Variants in LINGO2 observed in about 807,000 individuals in gnomAD.
The protein encoded by LINGO2 is leucine-rich repeat and immunoglobulin-like domain-containing nogo receptor-interacting protein 2.
In LINGO2, 14 loss-of-function variants were observed where a neutral mutation model predicts 30.6. The ratio of observed to expected loss-of-function variants is 0.46; its 90% CI spans 0.30 to 0.72. The LOEUF is 0.72. LINGO2 is among the 30% of genes least tolerant of loss of function. The probability of loss-of-function intolerance (pLI) is 0.07; values close to 1 mark genes in which losing one functional copy is unlikely to be tolerated. For missense variants in LINGO2, 729 were observed against 751.7 expected (o/e 0.97, Z 0.35); for synonymous variants, 317 against 288.5 (o/e 1.10, Z -1.00).
chr9:28,523,422 T>C (rs959749000), intron 1 of LINGO2, among the ~76,000 whole-genome samples: 13 of 152,132 alleles, frequency 8.5e-5, no homozygotes, highest in South Asian at 2.1e-4. Context: ...CATTCCCCAC[T>C]TCCATGCAAT....
At chr9:28,369,323 TG>T (rs1344643551) in intron 3 of LINGO2, among the ~76,000 whole-genome samples, 1 of 152,170 alleles carries the variant, frequency 6.6e-6, no homozygotes, top group East Asian at 1.9e-4. Flanking sequence ...ACTTTGTCCT[TG>T]GGGGGTTATG....
chr9:28,030,468 T>A lies in LINGO2; in HGVS notation c.-86-18063A>T, dbSNP rs147399034. 2.4e-4 allele frequency among the ~76,000 whole-genome samples: 36 copies of A among 152,266 alleles called. No individual in the cohort carries two copies. In the East Asian group the frequency reaches 6.4e-3, roughly 27 times the overall value. ...TAAGGTTACTGTTGTATCACAAAGA[T>A]GAAATTTTAAAAGGTCCAGAGACAC... On this transcript the variant is annotated intron_variant, in intron 4 of 5. Transcript: ENST00000379992.
intron 2 of LINGO2, among the ~76,000 whole-genome samples, chr9:28,435,250 CAA>C (rs923565794): frequency 1.3e-5 from 2 of 152,084 alleles, no homozygotes; most frequent in African/African-American, 4.8e-5. Context: ...TAAAGTAATT[CAA>C]GTCTTGTTTA....
chr9:29,094,340 C>T, the LINGO2 span, among the ~76,000 whole-genome samples: 21 of 138,928 alleles, frequency 1.5e-4, 1 homozygote, highest in East Asian at 7.3e-4. Context: ...CAAGCTATCA[C>T]GTTTCATTAC....
At chr9:28,919,894 T>C in the LINGO2 span, among the ~76,000 whole-genome samples, 1 of 152,210 alleles carries the variant, frequency 6.6e-6, no homozygotes, top group South Asian at 2.1e-4. Flanking sequence ...ATAATCACGC[T>C]ATAATGTAAT....
chr9:28,343,577 C>T (rs1445280444), intron 3 of LINGO2, among the ~76,000 whole-genome samples: 1 of 152,158 alleles, frequency 6.6e-6, no homozygotes, highest in Non-Finnish European at 1.5e-5. Context: ...AAAATTTAAA[C>T]TCAGCTTTGA....
chr9:28,866,008 C>A, the LINGO2 span, among the ~76,000 whole-genome samples: 4 of 152,022 alleles, frequency 2.6e-5, no homozygotes, highest in Non-Finnish European at 5.9e-5. Context: ...CTATGTTAGT[C>A]GGGTACTTGG....
chr9:28,322,421 A>T (rs1050957027), intron 3 of LINGO2, among the ~76,000 whole-genome samples: 2 of 150,810 alleles, frequency 1.3e-5, no homozygotes, highest in Admixed American at 1.3e-4. Context: ...TAGTTCCTAG[A>T]CATAGTAGGC....
chr9:28,156,736 G>C (rs1163542063), intron 4 of LINGO2, among the ~76,000 whole-genome samples: 2 of 152,218 alleles, frequency 1.3e-5, no homozygotes, highest in African/African-American at 4.8e-5. Flanking sequence ...AAAGGTATTG[G>C]TTAAATACAG....
intron 1 of LINGO2, among the ~76,000 whole-genome samples, chr9:28,532,269 A>T (rs1169641431): frequency 6.6e-6 from 1 of 152,186 alleles, no homozygotes; most frequent in East Asian, 1.9e-4. Context: ...CTAGGAAAGA[A>T]AAAAGAGAGG....
chr9:28,158,824 A>C (rs550865918), intron 4 of LINGO2, among the ~76,000 whole-genome samples: 1 of 152,306 alleles, frequency 6.6e-6, no homozygotes, highest in South Asian at 2.1e-4. Flanking sequence ...ACAGCTGAAA[A>C]ACTATCCTTC....
At chr9:29,078,557 A>G in the LINGO2 span, among the ~76,000 whole-genome samples, 35 of 151,908 alleles carry the variant, frequency 2.3e-4, no homozygotes, top group African/African-American at 6.8e-4. Flanking sequence ...GTCATCTCCT[A>G]TGGTTTTCGG....
intron 1 of LINGO2, among the ~76,000 whole-genome samples, chr9:28,558,450 C>T (rs1295451354): frequency 6.6e-6 from 1 of 152,120 alleles, no homozygotes; most frequent in Admixed American, 6.6e-5. Context: ...CCTGTGTCCA[C>T]GTGTCCTCCA....
At chr9:28,693,780 G>A in the LINGO2 span, among the ~76,000 whole-genome samples, 2 of 152,030 alleles carry the variant, frequency 1.3e-5, no homozygotes, top group African/African-American at 4.8e-5. Context: ...GGTAGGATTT[G>A]TGTCTTCTTT....
At position 28,588,598 on chromosome 9, in the gene LINGO2, AAAAC is replaced by A. The variant is rs5897309; in HGVS notation, c.-365+81598_-365+81601del. On this transcript the variant is annotated intron_variant, in intron 1 of 5. Transcript: ENST00000379992. ...AATATCTCTTTAATGAGTTCAGGTTAAAACAAACAAACAAACAAACAAACAAACA... is the reference window on the plus strand; with the variant it reads ...AATATCTCTTTAATGAGTTCAGGTTAAAACAAACAAACAAACAAACAAACA... Among the ~76,000 whole-genome samples the A allele has an allele frequency of 2.8e-3, 422 of 150,690 alleles. 4 individuals carry two copies. Among genetic ancestry groups the A allele is most frequent in the East Asian group, 7.5e-3 (38 of 5,082 alleles).
the LINGO2 span, among the ~76,000 whole-genome samples, chr9:28,746,231 A>T: frequency 6.6e-6 from 1 of 152,046 alleles, no homozygotes; most frequent in Admixed American, 6.6e-5. Flanking sequence ...ATATTTTATG[A>T]ATCTTCTTTT....
At chr9:28,807,720 G>T in the LINGO2 span, among the ~76,000 whole-genome samples, 49 of 152,286 alleles carry the variant, frequency 3.2e-4, no homozygotes, top group African/African-American at 1.2e-3. Context: ...TAGTAAGAGA[G>T]TATATAGGCT....
At chr9:29,011,195 T>A in the LINGO2 span, among the ~76,000 whole-genome samples, 1 of 152,146 alleles carries the variant, frequency 6.6e-6, no homozygotes, top group Non-Finnish European at 1.5e-5. Flanking sequence ...AAAAATTAAT[T>A]ATTAGAAGCA....
At chr9:29,043,384 G>T in the LINGO2 span, among the ~76,000 whole-genome samples, 8 of 151,864 alleles carry the variant, frequency 5.3e-5, no homozygotes, top group Non-Finnish European at 1.2e-4. Context: ...AGATGATAAG[G>T]TCTATGATTA....
Sources: gnomAD v4.1 joint callset for allele counts (sites outside exome capture counted in the v4.1 genomes callset) on GRCh38, gnomAD v4.1.1 for gene constraint, MANE v1.5 for transcripts, NCBI Gene and HGNC (gene_info 2026-07-23, HGNC 2026-07-21) for gene names.